The following KCNIP1 variants were observed in gnomAD, a reference collection of about 807,000 sequenced individuals.
KCNIP1 encodes the protein potassium voltage-gated channel interacting protein 1, also known as A-type potassium channel modulatory protein KCNIP1.
A neutral mutation model predicts 33.0 loss-of-function variants in KCNIP1; 18 were observed. The ratio of observed to expected loss-of-function variants is 0.55; its 90% confidence interval spans 0.38 to 0.81. KCNIP1 has a LOEUF of 0.81. Ranked by LOEUF, KCNIP1 falls within the 30% of genes least tolerant of loss-of-function variation. The pLI, the probability that KCNIP1 is intolerant of heterozygous loss-of-function variation, is 0.00. For missense variants in KCNIP1, 238 were observed against 271.6 expected, an observed-to-expected ratio of 0.88 and a Z score of 0.87; for synonymous variants, 93 against 98.3, an observed-to-expected ratio of 0.95 and a Z score of 0.32.
intron 1 of KCNIP1, among the ~76,000 whole-genome samples, chr5:170,438,195 T>A (rs1465205185): frequency 3.9e-5 from 6 of 152,144 alleles, no homozygotes; most frequent in Admixed American, 2.0e-4. Context: ...GGCTTCTCCT[T>A]CCCACACAGG....
intron 1 of KCNIP1, among the ~76,000 whole-genome samples, chr5:170,449,913 C>A (rs1756206295): frequency 6.6e-6 from 1 of 152,066 alleles, no homozygotes; most frequent in South Asian, 2.1e-4. Flanking sequence ...TATAGAAAGA[C>A]TCAAACCTTC....
chr5:170,669,214 T>C (rs1761825779), intron 1 of KCNIP1, among the ~76,000 whole-genome samples: 1 of 152,246 alleles, frequency 6.6e-6, no homozygotes, highest in Non-Finnish European at 1.5e-5. Flanking sequence ...TAATTCAGAT[T>C]ACTCTTTCTA....
chr5:170,391,762 C>G (rs1276280318), intron 1 of KCNIP1, among the ~76,000 whole-genome samples: 3 of 152,206 alleles, frequency 2.0e-5, no homozygotes, highest in Non-Finnish European at 4.4e-5. Flanking sequence ...CTTTGCCTCT[C>G]TAAGCTTCAG....
In KCNIP1 at chr5:170,706,864, C is replaced by A. The variant is rs994834486; in HGVS notation, c.62-11894C>A. 5.9e-5 allele frequency among the ~76,000 whole-genome samples: 9 copies of A among 152,132 alleles called. 1 individual carries two copies. The South Asian group carries it at 1.9e-3, about 31-fold the overall frequency. On this transcript the variant is annotated intron_variant, in intron 1 of 7. Coordinates refer to ENST00000328939, the MANE Select transcript of KCNIP1 (RefSeq NM_014592.4). ...GTAATGAAATCCCACCCGTGTTAATCCTCTTATATCCCGCAGAAATATTGT... is the reference window on the plus strand; with the variant it reads ...GTAATGAAATCCCACCCGTGTTAATACTCTTATATCCCGCAGAAATATTGT...
chr5:170,658,138 AAG>A (rs551579006), intron 1 of KCNIP1, among the ~76,000 whole-genome samples: 32 of 152,326 alleles, frequency 2.1e-4, no homozygotes, highest in African/African-American at 6.7e-4. Context: ...AAAGAAGTAA[AAG>A]AGAATAGGGT....
chr5:170,678,012 G>A (rs1344206063), intron 1 of KCNIP1, among the ~76,000 whole-genome samples: 1 of 152,188 alleles, frequency 6.6e-6, no homozygotes, highest in East Asian at 1.9e-4. Context: ...ATAGTAAAGA[G>A]CAATTTGTGA....
intron 1 of KCNIP1, among the ~76,000 whole-genome samples, chr5:170,517,801 GA>G (rs1386102547): frequency 7.2e-6 from 1 of 138,494 alleles, no homozygotes; most frequent in Non-Finnish European, 1.6e-5. Flanking sequence ...ATGGTGAAGT[GA>G]TAGTGATGGT....
chr5:170,366,565 C>A lies in KCNIP1; in HGVS notation c.88+12601C>A, dbSNP rs572496659. On this transcript the variant is annotated intron_variant, in intron 1 of 7. Transcript: ENST00000377360. Reference sequence around the variant, plus strand: ...GGAAATTTCAGTCTGGCCAAGGGAGCTTCTGAGAGCCTGAAGGTGGCCAGT... The same window carrying A: ...GGAAATTTCAGTCTGGCCAAGGGAGATTCTGAGAGCCTGAAGGTGGCCAGT... Among the ~76,000 whole-genome samples, 21 of 152,356 alleles carry A rather than the reference C, an allele frequency of 1.4e-4. 1 individual carries two copies. The South Asian group carries it at 3.1e-3, about 23-fold the overall frequency.
intron 1 of KCNIP1, among the ~76,000 whole-genome samples, chr5:170,601,957 C>T (rs550310241): frequency 9.9e-5 from 15 of 152,248 alleles, no homozygotes; most frequent in Admixed American, 3.3e-4. Flanking sequence ...GAGATGGTGC[C>T]GGAGGACTGG....
chr5:170,628,858 C>T (rs540642887), intron 1 of KCNIP1, among the ~76,000 whole-genome samples: 2 of 152,314 alleles, frequency 1.3e-5, no homozygotes, highest in Admixed American at 6.5e-5. Flanking sequence ...AGCTTTGGCC[C>T]CCAGCCCCCT....
At chr5:170,637,742 G>A (rs1294864072) in intron 1 of KCNIP1, among the ~76,000 whole-genome samples, 2 of 151,944 alleles carry the variant, frequency 1.3e-5, no homozygotes, top group African/African-American at 2.4e-5. Context: ...CCTCCTGTTC[G>A]CGCTACATAA....
chr5:170,464,042 C>G (rs942126917), intron 1 of KCNIP1, among the ~76,000 whole-genome samples: 4 of 124,498 alleles, frequency 3.2e-5, no homozygotes, highest in African/African-American at 8.7e-5. Context: ...AACAATCCCA[C>G]TTACAATAGC....
chr5:170,637,630 A>G (rs1760339671), intron 1 of KCNIP1, among the ~76,000 whole-genome samples: 1 of 151,666 alleles, frequency 6.6e-6, no homozygotes, highest in African/African-American at 2.4e-5. Flanking sequence ...TGCCTGGAGC[A>G]CTCTTCCTGC....
chr5:170,643,999 C>T (rs1025117265), intron 1 of KCNIP1, among the ~76,000 whole-genome samples: 1 of 152,226 alleles, frequency 6.6e-6, no homozygotes, highest in Non-Finnish European at 1.5e-5. Flanking sequence ...CTCAGCGTTT[C>T]CTTCTCCATC....
chr5:170,390,517 A>AAAAAAAAAAATATATATATATAT lies in KCNIP1; in HGVS notation c.88+36554_88+36555insAAAAAAAAATATATATATATATA. Among the ~76,000 whole-genome samples the AAAAAAAAAAATATATATATATAT allele has an allele frequency of 8.3e-4, 62 of 74,460 alleles. 1 individual carries two copies. Among genetic ancestry groups the AAAAAAAAAAATATATATATATAT allele is most frequent in the Non-Finnish European group, 9.2e-4 (37 of 40,166 alleles). The allele number at this position is 74,460 out of a possible 152,430, so 48.8% of individuals were successfully genotyped here. A position where few individuals can be genotyped will look rare whatever the true frequency, so the allele number is the denominator to read the frequency against. On this transcript the variant is annotated intron_variant, in intron 1 of 7. Coordinates refer to the KCNIP1 transcript ENST00000377360. ...GACCCCGTCTCAAAAAAAAAAAACA[A>AAAAAAAAAAATATATATATATAT]ATATATATATATATATATATATTTT...
intron 1 of KCNIP1, among the ~76,000 whole-genome samples, chr5:170,444,211 G>A (rs964967157): frequency 2.6e-5 from 4 of 152,134 alleles, no homozygotes; most frequent in Admixed American, 2.6e-4. Flanking sequence ...CTGGATCCGG[G>A]TGTTGGCAGA....
chr5:170,587,101 A>G (rs573843643), intron 1 of KCNIP1, among the ~76,000 whole-genome samples: 1 of 152,170 alleles, frequency 6.6e-6, no homozygotes, highest in Admixed American at 6.5e-5. Flanking sequence ...TGCTGTAACA[A>G]ATTATCACAA....
At chr5:170,497,982 C>T (rs888874590) in intron 1 of KCNIP1, among the ~76,000 whole-genome samples, 9 of 152,370 alleles carry the variant, frequency 5.9e-5, no homozygotes, top group Middle Eastern at 3.4e-3. Flanking sequence ...CCCCGGCTTC[C>T]GCTGCAGTCT....
intron 1 of KCNIP1, among the ~76,000 whole-genome samples, chr5:170,467,141 G>A (rs1032756306): frequency 8.5e-5 from 13 of 152,318 alleles, no homozygotes; most frequent in Admixed American, 6.5e-4. Context: ...GGATGGCAAA[G>A]ATGGGGAAAT....
Sources: gnomAD v4.1 joint callset for allele counts (sites outside exome capture counted in the v4.1 genomes callset) on GRCh38, gnomAD v4.1.1 for gene constraint, MANE v1.5 for transcripts, NCBI Gene and HGNC (gene_info 2026-07-23, HGNC 2026-07-21) for gene names.